Variants in DNAH9 observed in about 807,000 individuals in gnomAD.
The protein encoded by DNAH9 is DNAH9 variant protein.
DNAH9 carries 345 observed loss-of-function variants against 471.6 expected under a neutral mutation model. That is an observed-to-expected ratio of 0.73 (90% confidence interval 0.67 to 0.80). The LOEUF is 0.80. Ranked by LOEUF, DNAH9 falls within the 30% of genes least tolerant of loss-of-function variation. The pLI is 0.00. For missense variants in DNAH9, 5,407 were observed against 5,609.2 expected (o/e 0.96, Z 1.15); for synonymous variants, 2,093 against 2,123.6 (o/e 0.99, Z 0.40).
rs928524930 is a variant in DNAH9, at chr17:11,617,581, A to G, written c.1075A>G (p.Thr359Ala). Residue 359 changes from threonine to alanine, a missense_variant, in exon 5 of 69, where the codon ACT becomes GCT. Physicochemically the swap from Thr to Ala is moderately conservative, Grantham distance 58. Transcript: ENST00000262442. ...GTCCTACCGCTCCCCGGGAAGGCTG[A>G]CTGTGCTGCTCCAGGAGATTTGCAA... Reference protein sequence around the residue: ...CKSYRSPGRLTVLLQEICNLL... With the variant: ...CKSYRSPGRLAVLLQEICNLL... The G allele has an allele frequency of 5.0e-6, 8 of 1,614,144 alleles. No individual in the cohort carries two copies. The highest frequency in any genetic ancestry group is 2.7e-5 in the African/African-American group (2 of 75,046).
At chr17:11,598,973 G>A in intron 1 of DNAH9, 58 bp downstream of exon 1, 4 of 1,203,512 alleles carry the variant, frequency 3.3e-6, no homozygotes, top group Non-Finnish European at 4.4e-6. Flanking sequence ...GGGAGGAGGA[G>A]CCTTAAGGGA....
intron 50 of DNAH9, among the ~76,000 whole-genome samples, chr17:11,857,775 G>C (rs1971679195): frequency 6.6e-6 from 1 of 152,176 alleles, no homozygotes; most frequent in African/African-American, 2.4e-5. Flanking sequence ...CTTTATGACA[G>C]TGAGTGAGTT....
At chr17:11,715,115 A>G (rs1250102093) in intron 26 of DNAH9, among the ~76,000 whole-genome samples, 1 of 152,230 alleles carries the variant, frequency 6.6e-6, no homozygotes, top group East Asian at 1.9e-4. Context: ...GATCATCTGG[A>G]CCACTTTTCC....
At chr17:11,853,582 TTTAA>T (rs1971511213) in intron 49 of DNAH9, among the ~76,000 whole-genome samples, 2 of 152,160 alleles carry the variant, frequency 1.3e-5, no homozygotes, top group African/African-American at 4.8e-5. Flanking sequence ...AACAAAGCAG[TTTAA>T]TTAAGGAAAA....
At chr17:11,920,153 C>T (rs571186512) in intron 61 of DNAH9, among the ~76,000 whole-genome samples, 71 of 151,892 alleles carry the variant, frequency 4.7e-4, no homozygotes, top group African/African-American at 1.4e-3. Context: ...TCTCCTGCCT[C>T]AGCCCCCTGA....
intron 28 of DNAH9, among the ~76,000 whole-genome samples, chr17:11,737,839 G>T (rs1190457499): frequency 6.6e-6 from 1 of 152,198 alleles, no homozygotes; most frequent in Non-Finnish European, 1.5e-5. Context: ...ACCTGTTCTG[G>T]AGGTATAGTC....
intron 53 of DNAH9, among the ~76,000 whole-genome samples, chr17:11,878,075 T>G (rs1366739261): frequency 3.3e-5 from 5 of 152,178 alleles, no homozygotes; most frequent in African/African-American, 7.2e-5. Context: ...CACATAGTAA[T>G]CCAACCCTGG....
intron 29 of DNAH9, 67 bp from the exon 30 acceptor site, chr17:11,742,108 T>C: frequency 6.8e-7 from 1 of 1,468,446 alleles, no homozygotes; most frequent in Non-Finnish European, 9.4e-7. Context: ...GTGCTTATTT[T>C]CTTGCAGTCT....
At chr17:11,805,658 G>A (rs1244529644) in intron 43 of DNAH9, among the ~76,000 whole-genome samples, 1 of 144,154 alleles carries the variant, frequency 6.9e-6, no homozygotes, top group African/African-American at 2.6e-5. Flanking sequence ...ATGATCAAGA[G>A]ATACTCCTGC....
intron 58 of DNAH9, among the ~76,000 whole-genome samples, chr17:11,893,310 A>T (rs1263998833): frequency 6.6e-6 from 1 of 151,230 alleles, no homozygotes; most frequent in East Asian, 1.9e-4. Flanking sequence ...TCCATTTCCT[A>T]CTCCATGGAA....
At chr17:11,731,106 CATG>C (rs1302756410) in intron 28 of DNAH9, among the ~76,000 whole-genome samples, 1 of 102,082 alleles carries the variant, frequency 9.8e-6, no homozygotes, top group Non-Finnish European at 2.1e-5. Context: ...TGATGGTGGT[CATG>C]ATGGTGGTGG....
intron 41 of DNAH9, among the ~76,000 whole-genome samples, chr17:11,791,589 T>C (rs1209375142): frequency 1.3e-5 from 2 of 152,114 alleles, no homozygotes; most frequent in Non-Finnish European, 2.9e-5. Flanking sequence ...TGCGTGCCTA[T>C]AATTCCAACT....
intron 7 of DNAH9, 104 bp from the exon 8 acceptor site, chr17:11,632,483 C>A (rs887288714): frequency 2.9e-5 from 18 of 630,304 alleles, no homozygotes; most frequent in Non-Finnish European, 4.9e-5. Context: ...TAAAATAATT[C>A]TTTGGTATAA....
At chr17:11,612,524 A>G (rs931879913) in intron 4 of DNAH9, 1 of 152,248 alleles carries the variant, frequency 6.6e-6, no homozygotes, top group Non-Finnish European at 1.5e-5. Context: ...TCCTTGAGAA[A>G]TCTCTATTCC....
Position 11,807,848 on chromosome 17 carries a change from T to G in DNAH9, c.8537T>G (p.Val2846Gly). 1 of 1,613,922 alleles carries G rather than the reference T, an allele frequency of 6.2e-7. No homozygotes were observed. Among genetic ancestry groups the G allele is most frequent in the South Asian group, 1.1e-5 (1 of 91,058 alleles). ...RLAAFISSMD[V>G]FQITLRKGYQ... ...GCAGCTTTCATCAGCTCCATGGATG[T>G]CTTCCAGATCACACTGCGCAAAGGC... The change falls in exon 44 of 69, where the codon GTC (valine) becomes GGC (glycine). Residue 2846 changes from valine to glycine, a missense_variant. Val to Gly is a moderately radical substitution (Grantham distance 109, BLOSUM62 -3). Around this residue, in one of 3 missense-constraint regions of DNAH9, gnomAD observed 4,636 missense variants for 4,900.3 expected, o/e 0.95. Transcript: ENST00000262442.
Position 11,745,051 on chromosome 17 carries a change from G to A in DNAH9, c.6366G>A (p.Leu2122=). ...TGGTTAGGAAGGCGATAGTGGATCTGAAGCTCCAGGCTGAGGACAACTTTG... is the reference window on the plus strand; with the variant it reads ...TGGTTAGGAAGGCGATAGTGGATCTAAAGCTCCAGGCTGAGGACAACTTTG... ...EALVRKAIVD[L]KLQAEDNFVL... The change falls in exon 31 of 69, where the codon CTG becomes CTA. Residue 2122 remains leucine (L), a synonymous_variant. Transcript: ENST00000262442. 2 of 1,613,998 alleles carry A rather than the reference G, an allele frequency of 1.2e-6. No homozygotes were observed. Among genetic ancestry groups the A allele is most frequent in the Non-Finnish European group, 1.7e-6 (2 of 1,179,872 alleles).
chr17:11,823,167 A>G (rs1970372337), intron 48 of DNAH9, 133 bp downstream of exon 48: 1 of 747,868 alleles, frequency 1.3e-6, no homozygotes, highest in South Asian at 1.9e-5. Context: ...CCATGTCATC[A>G]GTATCTATTA....
intron 14 of DNAH9, among the ~76,000 whole-genome samples, chr17:11,657,416 A>G (rs1205076768): frequency 1.3e-5 from 2 of 152,108 alleles, no homozygotes; most frequent in Admixed American, 1.3e-4. Flanking sequence ...TGGATGGTTT[A>G]TAGTTCTAGC....
rs779011649 is a variant in DNAH9 at position 11,694,031 on chromosome 17, A to G, written c.4745+33A>G. On this transcript the variant is annotated intron_variant, in intron 21 of 68. Transcript: ENST00000262442. ...TCCGCCCATTACCCCTTCTCTAATA[A>G]GAAGGCATCATTTCCTTTTCCCCAT... 6 of 1,604,984 alleles carry G rather than the reference A, an allele frequency of 3.7e-6. No individual in the cohort carries two copies. The African/African-American group carries it at 8.1e-5, about 22-fold the overall frequency.
Sources: allele counts gnomAD v4.1 joint callset (sites outside exome capture counted in the v4.1 genomes callset), GRCh38; gene constraint gnomAD v4.1.1; regional missense constraint gnomAD v4.1.1; transcripts MANE v1.5; gene names NCBI Gene and HGNC (gene_info 2026-07-23, HGNC 2026-07-21).